The following TVP23A variants were observed in gnomAD, a reference collection of about 807,000 sequenced individuals.
The protein encoded by TVP23A is Golgi apparatus membrane protein TVP23 homolog A.
Under a neutral mutation model 31.7 loss-of-function variants are expected in TVP23A, and 21 were observed. That is an observed-to-expected ratio of 0.66 (90% confidence interval 0.47 to 0.95). TVP23A has a LOEUF of 0.95. Among genes scored for constraint, TVP23A ranks in the 40% least tolerant of loss-of-function variants. The pLI, the probability that TVP23A is intolerant of heterozygous loss-of-function variation, is 0.00. For missense variants in TVP23A, 279 were observed against 255.6 expected (o/e 1.09, Z -0.62); for synonymous variants, 104 against 96.0 (o/e 1.08, Z -0.49).
intron 2 of TVP23A, among the ~76,000 whole-genome samples, chr16:10,816,733 G>C (rs2034455968): frequency 6.6e-6 from 1 of 151,948 alleles, no homozygotes; most frequent in South Asian, 2.1e-4. Flanking sequence ...AGGCACGGGG[G>C]AAGTGGGGAG....
downstream of TVP23A, chr16:10,761,130 T>G (rs1269479417): frequency 4.8e-6 from 2 of 412,846 alleles, no homozygotes; most frequent in Admixed American, 8.1e-5. Flanking sequence ...ACTGCCCCCA[T>G]GATCCAATCA....
chr16:10,762,771 C>T (rs191149519), downstream of TVP23A, among the ~76,000 whole-genome samples: 15 of 145,570 alleles, frequency 1.0e-4, no homozygotes, highest in Non-Finnish European at 1.7e-4. Flanking sequence ...AGGGGCCGGG[C>T]GGGTGAAGTA....
chr16:10,785,329 G>C (rs1596524072), intron 2 of TVP23A, among the ~76,000 whole-genome samples: 1 of 151,962 alleles, frequency 6.6e-6, no homozygotes, highest in African/African-American at 2.4e-5. Context: ...GCTTGAACTG[G>C]GGAGGTGGAG....
downstream of TVP23A, among the ~76,000 whole-genome samples, chr16:10,763,098 T>A (rs2142776127): frequency 6.6e-6 from 1 of 152,070 alleles, no homozygotes; most frequent in African/African-American, 2.4e-5. Flanking sequence ...ACAAGTCACC[T>A]GGAGGAGGGT....
chr16:10,779,906 T>C lies in TVP23A; in HGVS notation c.90-4810A>G, dbSNP rs893732815. On this transcript the variant is annotated intron_variant, in intron 2 of 7. Coordinates refer to ENST00000299866, the MANE Select transcript of TVP23A (RefSeq NM_001079512.4). The surrounding 1 kb of genome is among the most constrained non-coding windows in gnomAD (Gnocchi z 4.9). ...GAGTTCGAGACCAGCCTGGCCAACA[T>C]GGCAAAACTCCGGCTCTAATAAAAA... Among the ~76,000 whole-genome samples the C allele has an allele frequency of 2.0e-5, 3 of 152,082 alleles. No individual in the cohort carries two copies. The highest frequency in any genetic ancestry group is 7.2e-5 in the African/African-American group (3 of 41,410).
chr16:10,787,179 T>TAAA (rs2032811855), intron 2 of TVP23A, among the ~76,000 whole-genome samples: 1 of 152,160 alleles, frequency 6.6e-6, no homozygotes, highest in Admixed American at 6.5e-5. Context: ...GGGTATGCAG[T>TAAA]CCTGGACAAA....
chr16:10,787,823 C>A (rs1167939485), intron 2 of TVP23A, among the ~76,000 whole-genome samples: 1 of 152,070 alleles, frequency 6.6e-6, no homozygotes, highest in African/African-American at 2.4e-5. Flanking sequence ...GATGACAAAC[C>A]CAGGGTATTT....
intron 2 of TVP23A, among the ~76,000 whole-genome samples, chr16:10,789,049 C>T (rs1485488220): frequency 6.6e-5 from 10 of 152,266 alleles, no homozygotes; most frequent in African/African-American, 2.2e-4. Flanking sequence ...CAACAGATCT[C>T]GAACTCCTGA....
chr16:10,779,314 A>G lies in TVP23A; in HGVS notation c.90-4218T>C, dbSNP rs915528508. ...AAGTCCTCATTCAGTCCCTATCTGG[A>G]GTTTGCCCAGCCTGTGCCTCTAGCT... is the stretch of plus-strand genomic sequence containing the variant. On this transcript the variant is annotated intron_variant, in intron 2 of 7. Transcript: ENST00000299866. The surrounding 1 kb of genome is among the most constrained non-coding windows in gnomAD (Gnocchi z 4.9). 2.0e-5 allele frequency among the ~76,000 whole-genome samples: 3 copies of G among 152,262 alleles called. No homozygotes were observed. The East Asian group carries it at 5.8e-4, about 29-fold the overall frequency.
intron 2 of TVP23A, among the ~76,000 whole-genome samples, chr16:10,789,704 A>G (rs1344785172): frequency 6.8e-6 from 1 of 146,740 alleles, no homozygotes; most frequent in Non-Finnish European, 1.5e-5. Flanking sequence ...GCGTGGTGGC[A>G]GGTGCCTGTA....
chr16:10,813,791 A>G lies in TVP23A; in HGVS notation c.89+4312T>C, dbSNP rs189248645. On this transcript the variant is annotated intron_variant, in intron 2 of 7. Coordinates refer to ENST00000299866, the MANE Select transcript of TVP23A (RefSeq NM_001079512.4). ...GAGGCCAAGGCACTAGGATCACTCAAGATCAGGAGTTCAAGCCTGGCCAAC... is the reference window on the plus strand; with the variant it reads ...GAGGCCAAGGCACTAGGATCACTCAGGATCAGGAGTTCAAGCCTGGCCAAC... 6.0e-4 allele frequency among the ~76,000 whole-genome samples: 92 copies of G among 152,118 alleles called. 1 individual carries two copies. Among genetic ancestry groups the G allele is most frequent in the African/African-American group, 2.0e-3 (83 of 41,536 alleles).
intron 2 of TVP23A, among the ~76,000 whole-genome samples, chr16:10,785,489 G>T (rs1296723625): frequency 6.6e-6 from 1 of 152,188 alleles, no homozygotes; most frequent in East Asian, 1.9e-4. Flanking sequence ...ACTGGGAGGA[G>T]GCACAAACAT....
chr16:10,780,322 G>T (rs1215574437), intron 2 of TVP23A, among the ~76,000 whole-genome samples: 1 of 152,016 alleles, frequency 6.6e-6, no homozygotes, highest in Non-Finnish European at 1.5e-5. Flanking sequence ...TGTTTGTGGA[G>T]GCCTGGGGAG....
At chr16:10,806,845 T>C (rs945358113) in intron 2 of TVP23A, among the ~76,000 whole-genome samples, 6 of 152,280 alleles carry the variant, frequency 3.9e-5, no homozygotes, top group Non-Finnish European at 2.9e-5. Context: ...AATAATTTCA[T>C]GTGAACAAGA....
chr16:10,771,235 T>G (rs1263636335), intron 6 of TVP23A, among the ~76,000 whole-genome samples: 1 of 152,214 alleles, frequency 6.6e-6, no homozygotes, highest in African/African-American at 2.4e-5. Flanking sequence ...TATGTAAATC[T>G]TACAATTAAA....
chr16:10,771,683 G>A lies in TVP23A; in HGVS notation c.569C>T (p.Thr190Ile), dbSNP rs368036929. 5 of 1,613,874 alleles carry A rather than the reference G, an allele frequency of 3.1e-6. No homozygotes were observed. The highest frequency in any genetic ancestry group is 3.4e-6 in the Non-Finnish European group (4 of 1,179,846). ...GKVTASFLSQTVFQTACPGDF... is the reference protein window; with the variant it reads ...GKVTASFLSQIVFQTACPGDF... ...TCAGTTACTCACCGTCTGGAACACT[G>A]TCTGGGACAGGAAACTGGCTGTGAC... is the stretch of plus-strand genomic sequence containing the variant. The change falls in exon 6 of 8, where the codon ACA (threonine) becomes ATA (isoleucine). Residue 190 changes from threonine (T) to isoleucine (I), a missense_variant. Coordinates refer to ENST00000299866, the MANE Select transcript of TVP23A (RefSeq NM_001079512.4).
chr16:10,803,721 A>G (rs2033817396), intron 2 of TVP23A, among the ~76,000 whole-genome samples: 1 of 152,070 alleles, frequency 6.6e-6, no homozygotes, highest in Non-Finnish European at 1.5e-5. Context: ...AACCAACACA[A>G]GGACCCAAGA....
intron 2 of TVP23A, among the ~76,000 whole-genome samples, chr16:10,784,164 T>C (rs1274514262): frequency 1.3e-5 from 2 of 151,802 alleles, no homozygotes; most frequent in Non-Finnish European, 2.9e-5. Context: ...TGAAACCCTG[T>C]CTCTACTAAA....
In TVP23A at chr16:10,777,361, G is replaced by A. The variant is rs556902477; in HGVS notation, c.90-2265C>T. 7.2e-5 allele frequency among the ~76,000 whole-genome samples: 11 copies of A among 152,196 alleles called. No homozygotes were observed. The highest frequency in any genetic ancestry group is 1.7e-4 in the African/African-American group (7 of 41,528). ...CAGTCTGTGTTTCTCACTGGCCTGCGAGCAGTGAGCTTGCAACCTCTGGAT... is the reference window on the plus strand; with the variant it reads ...CAGTCTGTGTTTCTCACTGGCCTGCAAGCAGTGAGCTTGCAACCTCTGGAT... On this transcript the variant is annotated intron_variant, in intron 2 of 7. Coordinates refer to ENST00000299866, the MANE Select transcript of TVP23A (RefSeq NM_001079512.4). This position sits in a 1 kb window ranked among gnomAD's most constrained non-coding sequence, Gnocchi z 4.5.
Sources: allele counts gnomAD v4.1 joint callset (sites outside exome capture counted in the v4.1 genomes callset), GRCh38; gene constraint gnomAD v4.1.1; non-coding constraint Gnocchi (gnomAD v3.1); transcripts MANE v1.5; gene names NCBI Gene and HGNC (gene_info 2026-07-23, HGNC 2026-07-21).